Variants in EPB41L1 observed in about 807,000 individuals in gnomAD.
EPB41L1 encodes the protein band 4.1-like protein 1.
In EPB41L1, 29 loss-of-function variants were observed where a neutral mutation model predicts 97.8. That is an observed-to-expected ratio of 0.30 (90% CI 0.22 to 0.40). The LOEUF (loss-of-function observed/expected upper bound fraction) is 0.40, where lower values mean the gene tolerates loss of function less well. EPB41L1 is among the 10% of genes least tolerant of loss of function. EPB41L1 has a pLI of 1.00. For synonymous variants in EPB41L1, 383 were observed against 459.2 expected (o/e 0.83, Z 2.12); for missense variants, 812 against 1,162.3 (o/e 0.70, Z 4.38).
At position 36,195,249 on chromosome 20, in the gene EPB41L1, A is replaced by C. The variant is rs2062138334; in HGVS notation, c.1450-80A>C. The C allele has an allele frequency of 8.2e-6, 13 of 1,582,762 alleles. 1 individual carries two copies. The South Asian group carries it at 1.2e-4, about 15-fold the overall frequency. On this transcript the variant is annotated intron_variant, in intron 12 of 21. Coordinates refer to ENST00000338074, the MANE Select transcript of EPB41L1 (RefSeq NM_012156.2). This position sits in a 1 kb window ranked among gnomAD's most constrained non-coding sequence, Gnocchi z 4.6. ...GTGCGTGCTCTGGGCTCCTTGCTGG[A>C]CCAAGCCCATCGTGGTATCTCTAAT...
intron 19 of EPB41L1, among the ~76,000 whole-genome samples, chr20:36,220,215 C>G (rs2063703933): frequency 1.3e-5 from 2 of 152,198 alleles, no homozygotes; most frequent in African/African-American, 4.8e-5. Flanking sequence ...TCTTGGAAAG[C>G]CAGGCAGGAC....
intron 1 of EPB41L1, among the ~76,000 whole-genome samples, chr20:36,162,833 T>C (rs1157449983): frequency 6.6e-6 from 1 of 152,196 alleles, no homozygotes; most frequent in Admixed American, 6.5e-5. Flanking sequence ...TGTCCGTGGG[T>C]ACTGCAAACC....
At position 36,207,006 on chromosome 20, in the gene EPB41L1, G is replaced by A. The variant is rs1330573059; in HGVS notation, c.1669-2482G>A. On this transcript the variant is annotated intron_variant, in intron 14 of 21. Coordinates refer to ENST00000338074, the MANE Select transcript of EPB41L1 (RefSeq NM_012156.2). The surrounding 1 kb of genome is among the most constrained non-coding windows in gnomAD (Gnocchi z 4.9). ...ACTTCCCACCCAAAGAGAGGGGAGT[G>A]GTTCCCACCCAGAAAGGAGGGGCTG... 6 of 1,289,930 alleles carry A rather than the reference G, an allele frequency of 4.7e-6. No individual in the cohort carries two copies. In the South Asian group the frequency reaches 6.2e-5, roughly 13 times the overall value. The allele number at this position is 1,289,930 out of a possible 1,614,324, so 79.9% of individuals were successfully genotyped here.
chr20:36,161,930 T>G (rs114092176), intron 1 of EPB41L1, among the ~76,000 whole-genome samples: 1,552 of 151,592 alleles, frequency 0.01, 29 homozygotes, highest in African/African-American at 0.036. Flanking sequence ...CCGGCTAATT[T>G]GGGGGGGGCA....
At position 36,190,603 on chromosome 20, in the gene EPB41L1, C is replaced by T. The variant is rs928461452; in HGVS notation, c.1125-19C>T. ...TGCAGGTCTGATTCCTCCTCCTCCC[C>T]TGCATCCCTCTGCTGCAGGCTGGTG... is the stretch of plus-strand genomic sequence containing the variant. On this transcript the variant is annotated intron_variant, in intron 10 of 21. Transcript: ENST00000338074. The surrounding 1 kb of genome is among the most constrained non-coding windows in gnomAD (Gnocchi z 5.8). 1 of 1,613,856 alleles carries T rather than the reference C, an allele frequency of 6.2e-7. No homozygotes were observed. Among genetic ancestry groups the T allele is most frequent in the Non-Finnish European group, 8.5e-7 (1 of 1,180,004 alleles).
intron 1 of EPB41L1, among the ~76,000 whole-genome samples, chr20:36,166,360 T>C (rs2060738336): frequency 6.6e-6 from 1 of 152,212 alleles, no homozygotes; most frequent in Admixed American, 6.5e-5. Flanking sequence ...TTATAGGTTA[T>C]TGTGAAGATG....
At chr20:36,139,534 G>C (rs943689730) in intron 2 of EPB41L1, among the ~76,000 whole-genome samples, 1 of 152,134 alleles carries the variant, frequency 6.6e-6, no homozygotes, top group Non-Finnish European at 1.5e-5. Context: ...TTAATACATA[G>C]AGTCACAGCT....
At chr20:36,131,959 C>T (rs1250344949) in intron 2 of EPB41L1, among the ~76,000 whole-genome samples, 2 of 152,114 alleles carry the variant, frequency 1.3e-5, no homozygotes, top group Non-Finnish European at 2.9e-5. Context: ...GGTGCTTTCC[C>T]CCACAAAGTT....
intron 1 of EPB41L1, among the ~76,000 whole-genome samples, chr20:36,162,891 A>C (rs2060589663): frequency 1.3e-5 from 2 of 152,210 alleles, no homozygotes; most frequent in African/African-American, 4.8e-5. Context: ...TCCAAGCACC[A>C]GACAGGATGA....
intron 1 of EPB41L1, among the ~76,000 whole-genome samples, chr20:36,111,634 A>C (rs1297756919): frequency 1.3e-5 from 2 of 152,020 alleles, no homozygotes; most frequent in African/African-American, 2.4e-5. Context: ...AAAAATACAA[A>C]AAATTAGCCG....
At chr20:36,170,701 G>A (rs1279480119) in intron 1 of EPB41L1, among the ~76,000 whole-genome samples, 2 of 152,192 alleles carry the variant, frequency 1.3e-5, no homozygotes, top group Non-Finnish European at 2.9e-5. Context: ...TGGGGAGTCT[G>A]GAGGCTGGGG....
upstream of EPB41L1, chr20:36,152,181 T>G (rs1370682837): frequency 6.6e-6 from 1 of 152,238 alleles, no homozygotes; most frequent in Non-Finnish European, 1.5e-5. Flanking sequence ...AAAAGTATTT[T>G]GCAAACTGGA....
At position 36,175,644 on chromosome 20, in the gene EPB41L1, G is replaced by A. The variant is rs756160954; in HGVS notation, c.271G>A (p.Ala91Thr). 2 of 1,614,172 alleles carry A rather than the reference G, an allele frequency of 1.2e-6. No individual in the cohort carries two copies. Among genetic ancestry groups the A allele is most frequent in the Non-Finnish European group, 1.7e-6 (2 of 1,180,028 alleles). The change falls in exon 3 of 22, where the codon GCC becomes ACC. Residue 91 changes from alanine to threonine, a missense_variant. Transcript: ENST00000338074. ...GGCCCAGAAATCGCCCCAGAAGATT[G>A]CCAAGAAATACAAGAGTGCCATCTG... ...SKAQKSPQKI[A>T]KKYKSAICRV...
In EPB41L1 at chr20:36,164,119, C is replaced by T. The variant is rs144026293; in HGVS notation, c.-15+9223C>T. 8.2e-3 allele frequency among the ~76,000 whole-genome samples: 1,252 copies of T among 152,334 alleles called. 21 individuals carry two copies. Among genetic ancestry groups the T allele is most frequent in the African/African-American group, 0.029 (1,197 of 41,570 alleles). On this transcript the variant is annotated intron_variant, in intron 1 of 21. Transcript: ENST00000338074. ...TTGGCCTCCCAAAATGCTGGGATTGCAGGCGTGAGCCACTGTGCCCGGCCC... is the reference window on the plus strand; with the variant it reads ...TTGGCCTCCCAAAATGCTGGGATTGTAGGCGTGAGCCACTGTGCCCGGCCC...
Position 36,187,747 on chromosome 20 carries a change from A to C in EPB41L1, c.857A>C (p.Asp286Ala). 6.2e-7 allele frequency: 1 copy of C among 1,613,884 alleles called. No homozygotes were observed. Residue 286 changes from aspartate to alanine, a missense_variant, in exon 8 of 22, where the codon GAC becomes GCC. By Grantham distance (126) the Asp-to-Ala change is moderately radical. Transcript: ENST00000338074. ...AAGAAGCTTTCCATGTACGGAGTAG[A>C]CCTGCACCATGCCAAGGTACCACCA... The part of the protein sequence containing the change: ...NAKKLSMYGV[D>A]LHHAKDSEGI...
chr20:36,164,159 T>C (rs1338897415), intron 1 of EPB41L1, among the ~76,000 whole-genome samples: 1 of 152,152 alleles, frequency 6.6e-6, no homozygotes, highest in Non-Finnish European at 1.5e-5. Context: ...CAGTGTCTTC[T>C]ATTGGCCAAA....
chr20:36,176,935 T>C (rs2061263637), intron 3 of EPB41L1, among the ~76,000 whole-genome samples: 1 of 152,256 alleles, frequency 6.6e-6, no homozygotes, highest in South Asian at 2.1e-4. Context: ...CCCGACTGTG[T>C]ATGTATTTTG....
intron 2 of EPB41L1, among the ~76,000 whole-genome samples, chr20:36,127,505 C>G (rs1224910932): frequency 2.6e-5 from 4 of 152,136 alleles, no homozygotes; most frequent in Non-Finnish European, 4.4e-5. Flanking sequence ...GGTGCTGGAT[C>G]CCCTTGCTCA....
At chr20:36,186,140 C>T (rs1398982792) in intron 7 of EPB41L1, among the ~76,000 whole-genome samples, 2 of 152,204 alleles carry the variant, frequency 1.3e-5, no homozygotes, top group Non-Finnish European at 2.9e-5. Flanking sequence ...ATAACACCTT[C>T]TCAGTCCTTG....
Sources: gnomAD v4.1 joint callset for allele counts (sites outside exome capture counted in the v4.1 genomes callset) on GRCh38, gnomAD v4.1.1 for gene constraint, Gnocchi (gnomAD v3.1) non-coding constraint, MANE v1.5 for transcripts, NCBI Gene and HGNC (gene_info 2026-07-23, HGNC 2026-07-21) for gene names.